The following ZMYM1 variants were observed in gnomAD, a reference collection of about 807,000 sequenced individuals.
ZMYM1 encodes zinc finger MYM-type containing 1.
Under a neutral mutation model 60.0 loss-of-function variants are expected in ZMYM1, and 39 were observed. The ratio of observed to expected loss-of-function variants is 0.65; its 90% CI spans 0.50 to 0.85. The LOEUF (loss-of-function observed/expected upper bound fraction) is 0.85, where lower values mean the gene tolerates loss of function less well. ZMYM1 is among the 40% of genes least tolerant of loss of function. The pLI is 0.00. For missense variants in ZMYM1, 1,171 were observed against 1,309.5 expected (o/e 0.89, Z 1.63); for synonymous variants, 413 against 454.0 (o/e 0.91, Z 1.15).
chr1:35,061,692 C>T (rs1204746789), intron 1 of ZMYM1, among the ~76,000 whole-genome samples: 1 of 151,272 alleles, frequency 6.6e-6, no homozygotes, highest in Non-Finnish European at 1.5e-5. Flanking sequence ...AGGAGAATGG[C>T]GTGAACCCAG....
At chr1:35,117,711 C>T (rs1053808638), downstream of ZMYM1, among the ~76,000 whole-genome samples, 15 of 151,800 alleles carry the variant, frequency 9.9e-5, no homozygotes, top group South Asian at 4.2e-4. Context: ...GAGGCCGAGG[C>T]GGGCAGATCA....
chr1:35,112,582 A>ATACAT (rs371562047), intron 9 of ZMYM1, among the ~76,000 whole-genome samples: 2 of 144,270 alleles, frequency 1.4e-5, no homozygotes, highest in South Asian at 2.1e-4. Context: ...ATATATTATA[A>ATACAT]TGTATATTTA....
Position 35,104,429 on chromosome 1 carries a change from G to A in ZMYM1, c.554G>A (p.Ser185Asn), listed in dbSNP as rs1174224816. Residue 185 changes from serine (S) to asparagine (N), a missense_variant, in exon 5 of 10, where the codon AGC (serine) becomes AAC (asparagine). Physicochemically the swap from Ser to Asn is conservative, Grantham distance 46. Transcript: ENST00000359858. ...RKPFVTICTNSILTKCSMCQK... is the reference protein window; with the variant it reads ...RKPFVTICTNNILTKCSMCQK... ...CCATTTGTTACCATATGTACTAATA[G>A]CATTTTGACCAAGTGCAGCATGTGC... 6.2e-7 allele frequency: 1 copy of A among 1,612,068 alleles called. No homozygotes were observed. Among genetic ancestry groups the A allele is most frequent in the Admixed American group, 1.7e-5 (1 of 59,540 alleles).
chr1:35,064,654 C>T (rs1641936992), intron 1 of ZMYM1, among the ~76,000 whole-genome samples: 1 of 149,680 alleles, frequency 6.7e-6, no homozygotes, highest in Admixed American at 6.7e-5. Flanking sequence ...AACAGGAAAT[C>T]TCCAAACATA....
upstream of ZMYM1, chr1:35,079,382 G>A (rs1488410839): frequency 6.6e-6 from 1 of 151,038 alleles, no homozygotes; most frequent in East Asian, 2.0e-4. Context: ...GGGTCGGCGG[G>A]GCCGTTTCGC....
At chr1:35,068,557 T>C (rs1387506265) in intron 1 of ZMYM1, among the ~76,000 whole-genome samples, 1 of 151,242 alleles carries the variant, frequency 6.6e-6, no homozygotes, top group East Asian at 1.9e-4. Flanking sequence ...CAATTGATTT[T>C]TGACAAAGGT....
At chr1:35,116,409 ATATT>A (rs758612432), downstream of ZMYM1, among the ~76,000 whole-genome samples, 1 of 152,228 alleles carries the variant, frequency 6.6e-6, no homozygotes, top group African/African-American at 2.4e-5. Flanking sequence ...AAATATAACT[ATATT>A]TAAGTAACCT....
At chr1:35,102,383 T>C (rs1643706821) in intron 4 of ZMYM1, among the ~76,000 whole-genome samples, 1 of 152,250 alleles carries the variant, frequency 6.6e-6, no homozygotes. Context: ...TGTAATATGC[T>C]ATTGTAGTTT....
In ZMYM1 at chr1:35,111,831, A is replaced by G; in HGVS notation, c.1021A>G (p.Thr341Ala). The G allele has an allele frequency of 6.2e-7, 1 of 1,609,280 alleles. No individual in the cohort carries two copies. The highest frequency in any genetic ancestry group is 8.5e-7 in the Non-Finnish European group (1 of 1,176,594). ...AGAGCTTCTTTCTCCAAAGAAAGAT[A>G]CGACTCCAGTTATAAGCAATATAGT... ...STELLSPKKD[T>A]TPVISNIVSL... Residue 341 changes from threonine to alanine, a missense_variant, in exon 8 of 10, where the codon ACG (threonine) becomes GCG (alanine). Thr to Ala is a moderately conservative substitution (Grantham distance 58). Coordinates refer to ENST00000359858, the MANE Select transcript of ZMYM1 (RefSeq NM_024772.5).
intron 1 of ZMYM1, among the ~76,000 whole-genome samples, chr1:35,072,844 G>C (rs1486269851): frequency 6.6e-6 from 1 of 152,130 alleles, no homozygotes; most frequent in African/African-American, 2.4e-5. Context: ...CACTTTGGGA[G>C]GCCAAGACAG....
intron 1 of ZMYM1, among the ~76,000 whole-genome samples, chr1:35,092,783 A>G (rs1294569241): frequency 6.6e-6 from 1 of 151,858 alleles, no homozygotes; most frequent in Admixed American, 6.6e-5. Flanking sequence ...GCATGCCACC[A>G]AGCCTAATTT....
chr1:35,062,421 G>A (rs542250905), intron 1 of ZMYM1, among the ~76,000 whole-genome samples: 7 of 152,210 alleles, frequency 4.6e-5, no homozygotes, highest in Non-Finnish European at 7.4e-5. Context: ...CAGTAATGAA[G>A]GTGATACTAT....
At chr1:35,072,575 T>A (rs1168865265) in intron 1 of ZMYM1, among the ~76,000 whole-genome samples, 1 of 152,118 alleles carries the variant, frequency 6.6e-6, no homozygotes, top group Non-Finnish European at 1.5e-5. Context: ...TATTATTTCC[T>A]CCCTTCTATC....
intron 1 of ZMYM1, among the ~76,000 whole-genome samples, chr1:35,088,268 A>G (rs1642766477): frequency 6.6e-6 from 1 of 151,250 alleles, no homozygotes; most frequent in Non-Finnish European, 1.5e-5. Context: ...AAATACAAAA[A>G]TTAGCTGAGC....
intron 1 of ZMYM1, among the ~76,000 whole-genome samples, chr1:35,084,590 C>T (rs1031960290): frequency 5.3e-5 from 8 of 152,232 alleles, no homozygotes; most frequent in Non-Finnish European, 1.2e-4. Flanking sequence ...ACTCCTAGGG[C>T]AAGGCCCTCC....
chr1:35,096,467 A>G (rs1407519794), intron 3 of ZMYM1, among the ~76,000 whole-genome samples: 1 of 151,794 alleles, frequency 6.6e-6, no homozygotes, highest in Non-Finnish European at 1.5e-5. Flanking sequence ...CTCTACAGAA[A>G]ATTTAAAAAC....
At chr1:35,076,706 G>A (rs970119353), upstream of ZMYM1, among the ~76,000 whole-genome samples, 3 of 151,644 alleles carry the variant, frequency 2.0e-5, no homozygotes, top group Middle Eastern at 0.01. Context: ...GCTGAGGTGG[G>A]CAGATCACTT....
chr1:35,086,478 CTGTT>C (rs1265716114), intron 1 of ZMYM1, among the ~76,000 whole-genome samples: 1 of 151,832 alleles, frequency 6.6e-6, no homozygotes, highest in Admixed American at 6.6e-5. Context: ...CAGAAAATGA[CTGTT>C]TGTTGCTAAA....
intron 1 of ZMYM1, among the ~76,000 whole-genome samples, chr1:35,066,953 G>C (rs1488761654): frequency 2.0e-5 from 3 of 152,120 alleles, no homozygotes; most frequent in African/African-American, 7.2e-5. Context: ...TTTTGAAAAA[G>C]ATCAAAGTAT....
Sources: allele counts gnomAD v4.1 joint callset (sites outside exome capture counted in the v4.1 genomes callset), GRCh38; gene constraint gnomAD v4.1.1; transcripts MANE v1.5; gene names NCBI Gene and HGNC (gene_info 2026-07-23, HGNC 2026-07-21).